PCDHGA1: variants seen among roughly 807,000 people sequenced by gnomAD.
The protein encoded by PCDHGA1 is protocadherin gamma-A1.
PCDHGA1 carries 32 observed loss-of-function variants against 58.0 expected under a neutral mutation model. The observed-to-expected ratio is 0.55, with a 90% CI of 0.42 to 0.74. The LOEUF (loss-of-function observed/expected upper bound fraction) is 0.74, where lower values mean the gene tolerates loss of function less well. PCDHGA1 is among the 30% of genes least tolerant of loss of function. The pLI is 0.00. For missense variants in PCDHGA1, 1,205 were observed against 1,182.3 expected (o/e 1.02, Z -0.28); for synonymous variants, 498 against 501.1 (o/e 0.99, Z 0.08).
At chr5:141,466,624 G>C (rs1279938026) in intron 1 of PCDHGA1, among the ~76,000 whole-genome samples, 1 of 152,038 alleles carries the variant, frequency 6.6e-6, no homozygotes, top group Non-Finnish European at 1.5e-5. Context: ...GTTTTCTTTG[G>C]AGCATTGTCT....
rs1269856662 is a variant in PCDHGA1, at chr5:141,375,833, C to A, written c.2421+42728C>A. On this transcript the variant is annotated intron_variant, in intron 1 of 3. Coordinates refer to ENST00000517417, the MANE Select transcript of PCDHGA1 (RefSeq NM_018912.3). The stretch of plus-strand genomic sequence containing the variant: ...GGAGCTGGCGCCCCGCTCCGCAGAG[C>A]CCGGCTACCTGGTGACCAAGGTGGT... 6.2e-7 allele frequency: 1 copy of A among 1,614,034 alleles called. No homozygotes were observed. Among genetic ancestry groups the A allele is most frequent in the Non-Finnish European group, 8.5e-7 (1 of 1,180,048 alleles).
At chr5:141,452,251 ACT>A (rs899414988) in intron 1 of PCDHGA1, among the ~76,000 whole-genome samples, 29 of 152,204 alleles carry the variant, frequency 1.9e-4, no homozygotes, top group African/African-American at 6.7e-4. Flanking sequence ...TTTTGCCATA[ACT>A]CTCTCATTTT....
At chr5:141,380,092 G>A (rs1776209529) in intron 1 of PCDHGA1, among the ~76,000 whole-genome samples, 1 of 151,708 alleles carries the variant, frequency 6.6e-6, no homozygotes, top group African/African-American at 2.4e-5. Context: ...TAGAGATGGG[G>A]TTTTACCATG....
intron 2 of PCDHGA1, among the ~76,000 whole-genome samples, chr5:141,499,112 A>G (rs550424495): frequency 6.6e-6 from 1 of 152,238 alleles, no homozygotes; most frequent in African/African-American, 2.4e-5. Context: ...CCCCACCACT[A>G]TCCCTTCTCA....
chr5:141,393,508 T>A (rs540869636), intron 1 of PCDHGA1: 2 of 1,614,010 alleles, frequency 1.2e-6, no homozygotes, highest in East Asian at 4.5e-5. Flanking sequence ...CACGTGACAG[T>A]GTTGGATACA....
intron 1 of PCDHGA1, chr5:141,364,493 G>A (rs1480199754): frequency 4.3e-6 from 7 of 1,614,018 alleles, no homozygotes; most frequent in Non-Finnish European, 5.9e-6. Flanking sequence ...CCTTGGGCTG[G>A]AGCCCCAGGA....
At chr5:141,375,244 G>A (rs527726605) in intron 1 of PCDHGA1, 1 of 1,613,890 alleles carries the variant, frequency 6.2e-7, no homozygotes, top group Admixed American at 1.7e-5. Context: ...GTTCCATCCC[G>A]AGAAGTCTCC....
intron 1 of PCDHGA1, among the ~76,000 whole-genome samples, chr5:141,444,150 GGATTT>G (rs2098419598): frequency 1.8e-5 from 2 of 114,012 alleles, no homozygotes; most frequent in Non-Finnish European, 3.5e-5. Flanking sequence ...TGTGTGTACT[GGATTT>G]TTTTTTTTTT....
Position 141,361,471 on chromosome 5 carries a change from A to G in PCDHGA1, c.2421+28366A>G, listed in dbSNP as rs748732304. The G allele has an allele frequency of 3.1e-6, 5 of 1,613,870 alleles. No individual in the cohort carries two copies. The South Asian group carries it at 3.3e-5, about 11-fold the overall frequency. On this transcript the variant is annotated intron_variant, in intron 1 of 3. Transcript: ENST00000517417. ...TGTCACCCTGCACATCTCCGACGTC[A>G]ACGATAATGCCCCAGTTTTCCAACA...
intron 1 of PCDHGA1, chr5:141,403,929 G>T: frequency 6.2e-7 from 1 of 1,613,854 alleles, no homozygotes; most frequent in Non-Finnish European, 8.5e-7. Flanking sequence ...GATGGTGGGG[G>T]ATTGAAAGGG....
intron 1 of PCDHGA1, chr5:141,341,753 G>A: frequency 2.5e-6 from 1 of 407,612 alleles, no homozygotes; most frequent in Non-Finnish European, 4.3e-6. Flanking sequence ...TATAAAGATT[G>A]GAGTTTATGT....
At position 141,403,226 on chromosome 5, in the gene PCDHGA1, CG is replaced by C. The variant is rs539681713; in HGVS notation, c.2421+70124del. On this transcript the variant is annotated intron_variant, in intron 1 of 3. Transcript: ENST00000517417. Reference sequence around the variant, plus strand: ...CTTGGTCACCGCGGGTAGGATAGACCGGGAGGAGCTCTGTGCTCAGAGCCCG... The same window carrying C: ...CTTGGTCACCGCGGGTAGGATAGACCGGAGGAGCTCTGTGCTCAGAGCCCG... 1.5e-3 allele frequency: 2,492 copies of C among 1,613,926 alleles called. 3 individuals are homozygous for C. The highest frequency in any genetic ancestry group is 1.8e-3 in the Non-Finnish European group (2,143 of 1,179,902).
chr5:141,419,515 G>T, intron 1 of PCDHGA1: 1 of 1,612,264 alleles, frequency 6.2e-7, no homozygotes, highest in Non-Finnish European at 8.5e-7. Flanking sequence ...GCGTGTTGGT[G>T]GGCGACCGTA....
Position 141,420,413 on chromosome 5 carries a change from A to G in PCDHGA1, c.2422-74394A>G, listed in dbSNP as rs191893876. 4 of 1,222,394 alleles carry G rather than the reference A, an allele frequency of 3.3e-6. No individual in the cohort carries two copies. In the Admixed American group the frequency reaches 1.1e-4, roughly 33 times the overall value. 75.7% of individuals were successfully genotyped at this position (1,222,394 alleles called of 1,614,324 possible). A position where few individuals can be genotyped will look rare whatever the true frequency, so the allele number is the denominator to read the frequency against. ...ATAGGTCAAATTTATGGTTATCATT[A>G]TTAAAACAAAAGTTTAAATTAAATG... On this transcript the variant is annotated intron_variant, in intron 1 of 3. Transcript: ENST00000517417.
At chr5:141,501,198 G>C (rs2299024) in intron 2 of PCDHGA1, among the ~76,000 whole-genome samples, 89,086 of 151,686 alleles carry the variant, frequency 0.59, 27,759 homozygotes, top group African/African-American at 0.8. Context: ...TAAATTCAGG[G>C]TGTTGTCAGG....
At chr5:141,479,505 G>A (rs2099498324) in intron 1 of PCDHGA1, 1 of 152,262 alleles carries the variant, frequency 6.6e-6, no homozygotes, top group African/African-American at 2.4e-5. Flanking sequence ...CCTAAAGAGG[G>A]GTGAACTGGC....
At position 141,491,410 on chromosome 5, in the gene PCDHGA1, G is replaced by A. The variant is rs777207581; in HGVS notation, c.2422-3397G>A. The A allele has an allele frequency of 1.9e-6, 3 of 1,614,024 alleles. No homozygotes were observed. Among genetic ancestry groups the A allele is most frequent in the Admixed American group, 1.7e-5 (1 of 60,006 alleles). ...GTGCCTTCAGGGAAACGCAGACGGGGACGGGGGTGGAGGGCAGTGCTGCAG... is the reference window on the plus strand; with the variant it reads ...GTGCCTTCAGGGAAACGCAGACGGGAACGGGGGTGGAGGGCAGTGCTGCAG... On this transcript the variant is annotated intron_variant, in intron 1 of 3. Transcript: ENST00000517417. The surrounding 1 kb of genome is among the most constrained non-coding windows in gnomAD (Gnocchi z 6.9).
intron 1 of PCDHGA1, chr5:141,394,620 T>A: frequency 6.2e-7 from 1 of 1,613,124 alleles, no homozygotes; most frequent in Non-Finnish European, 8.5e-7. Context: ...CCAGAACGCC[T>A]GGCTGTCCTA....
In PCDHGA1 at chr5:141,332,293, A is replaced by G; in HGVS notation, c.1609A>G (p.Ser537Gly). ...GCAACTGAAAGTGATGGCGCGGGAC[A>G]GTGGGGATCCGCCCCTCAGCAGCAA... ...DMQLKVMARD[S>G]GDPPLSSNVS... The change falls in exon 1 of 4, where the codon AGT becomes GGT. Residue 537 changes from serine (S) to glycine (G), a missense_variant. Ser to Gly is a moderately conservative substitution (Grantham distance 56). Coordinates refer to ENST00000517417, the MANE Select transcript of PCDHGA1 (RefSeq NM_018912.3). The surrounding 1 kb of genome is among the most constrained non-coding windows in gnomAD (Gnocchi z 4.6). The G allele has an allele frequency of 6.2e-7, 1 of 1,614,224 alleles. No homozygotes were observed. The highest frequency in any genetic ancestry group is 1.3e-5 in the African/African-American group (1 of 75,066).
Sources: gnomAD v4.1 joint callset for allele counts (sites outside exome capture counted in the v4.1 genomes callset) on GRCh38, gnomAD v4.1.1 for gene constraint, Gnocchi (gnomAD v3.1) non-coding constraint, MANE v1.5 for transcripts, NCBI Gene and HGNC (gene_info 2026-07-23, HGNC 2026-07-21) for gene names.